Variants in IGSF9B observed in about 807,000 individuals in gnomAD.
IGSF9B encodes protein turtle homolog B.
IGSF9B carries 48 observed loss-of-function variants against 143.7 expected under a neutral mutation model. The ratio of observed to expected loss-of-function variants is 0.33; its 90% CI spans 0.26 to 0.42. The LOEUF is 0.42. Among genes scored for constraint, IGSF9B ranks in the 20% least tolerant of loss-of-function variants. The pLI is 1.00. For missense variants in IGSF9B, 1,706 were observed against 1,980.0 expected (o/e 0.86, Z 2.63); for synonymous variants, 903 against 833.1 (o/e 1.08, Z -1.44).
At chr11:133,912,672 C>T (rs1405976615) in intron 18 of IGSF9B, among the ~76,000 whole-genome samples, 3 of 152,208 alleles carry the variant, frequency 2.0e-5, no homozygotes, top group African/African-American at 4.8e-5. Flanking sequence ...TGTAAGAGAA[C>T]AGGAGAAAGT....
rs201133164 is a variant in IGSF9B, at chr11:133,902,586, A to C, written c.*6483T>G. Among the ~76,000 whole-genome samples, 60 of 111,200 alleles carry C rather than the reference A, an allele frequency of 5.4e-4. No homozygotes were observed. Among genetic ancestry groups the C allele is most frequent in the Middle Eastern group, 5.0e-3 (1 of 200 alleles). The allele number at this position is 111,200 out of a possible 152,430, so 73.0% of individuals were successfully genotyped here. On this transcript the variant is annotated 3_prime_UTR_variant, in exon 20 of 20. Transcript: ENST00000533871. Reference sequence around the variant, plus strand: ...ACACACCCCACACACACACACACACACCCCACTTACTTCCTGAATCCAGAA... The same window carrying C: ...ACACACCCCACACACACACACACACCCCCCACTTACTTCCTGAATCCAGAA...
intron 1 of IGSF9B, among the ~76,000 whole-genome samples, chr11:133,947,193 A>G (rs1940070022): frequency 6.6e-6 from 1 of 152,080 alleles, no homozygotes; most frequent in Non-Finnish European, 1.5e-5. Flanking sequence ...AGGAAGAGCC[A>G]CGCACCCCAA....
At position 133,928,182 on chromosome 11, in the gene IGSF9B, A is replaced by C. The variant is rs1019385151; in HGVS notation, c.1632-1091T>G. Among the ~76,000 whole-genome samples the C allele has an allele frequency of 6.6e-6, 1 of 152,112 alleles. No individual in the cohort carries two copies. The highest frequency in any genetic ancestry group is 2.4e-5 in the African/African-American group (1 of 41,446). On this transcript the variant is annotated intron_variant, in intron 12 of 19. Transcript: ENST00000533871. This position sits in a 1 kb window ranked among gnomAD's most constrained non-coding sequence, Gnocchi z 4.7. ...GTATGCCCAGACCTCCCACCCAGGC[A>C]TCTCCAAAGACAGCTTGACCACACC... is the stretch of plus-strand genomic sequence containing the variant.
chr11:133,943,473 T>C (rs1939990052), intron 3 of IGSF9B, among the ~76,000 whole-genome samples: 1 of 152,076 alleles, frequency 6.6e-6, no homozygotes, highest in South Asian at 2.1e-4. Flanking sequence ...CAGCCTCTAG[T>C]GCTGTCACCG....
At chr11:133,929,497 C>T (rs560597545) in intron 12 of IGSF9B, among the ~76,000 whole-genome samples, 174 bp downstream of exon 12, 38 of 152,280 alleles carry the variant, frequency 2.5e-4, no homozygotes, top group East Asian at 3.9e-4. Context: ...AGACCCCTCC[C>T]GTCACCCACA....
In IGSF9B at chr11:133,922,721, G is replaced by C; in HGVS notation, c.2129C>G (p.Pro710Arg). The change falls in exon 16 of 20, where the codon CCG (proline) becomes CGG (arginine). Residue 710 changes from proline to arginine, a missense_variant. By Grantham distance (103) the Pro-to-Arg change is moderately radical. Around this residue, in one of 7 missense-constraint regions of IGSF9B, gnomAD observed 267 missense variants for 321.1 expected, o/e 0.83. Transcript: ENST00000533871. ...IAGVSSTDIF[P>R]QPDLTEDGLA... The stretch of plus-strand genomic sequence containing the variant: ...CCCATCCTCGGTCAGGTCCGGCTGC[G>C]GGAAGATGTCTGCAGGGAGGGTGGG... 1 of 1,567,318 alleles carries C rather than the reference G, an allele frequency of 6.4e-7. No homozygotes were observed. The highest frequency in any genetic ancestry group is 8.6e-7 in the Non-Finnish European group (1 of 1,158,754).
At chr11:133,940,954 CG>C (rs989065390) in intron 3 of IGSF9B, among the ~76,000 whole-genome samples, 31 of 152,326 alleles carry the variant, frequency 2.0e-4, no homozygotes, top group African/African-American at 6.3e-4. Flanking sequence ...CCTGCCTGCC[CG>C]GCCTGCCCCT....
rs1344936512 is a variant in IGSF9B, at chr11:133,903,447, A to G, written c.*5622T>C. 3.9e-5 allele frequency among the ~76,000 whole-genome samples: 6 copies of G among 152,200 alleles called. No homozygotes were observed. Among genetic ancestry groups the G allele is most frequent in the African/African-American group, 1.2e-4 (5 of 41,444 alleles). On this transcript the variant is annotated 3_prime_UTR_variant, in exon 20 of 20. Coordinates refer to ENST00000533871, the MANE Select transcript of IGSF9B (RefSeq NM_001277285.4). ...CCTAACTACTACTACTGTCTTCTAC[A>G]CCGCAGAAGACAACACCCATGTGAT...
chr11:133,923,575 G>A (rs1353296960), intron 15 of IGSF9B, among the ~76,000 whole-genome samples: 1 of 152,232 alleles, frequency 6.6e-6, no homozygotes, highest in Non-Finnish European at 1.5e-5. Flanking sequence ...CTTAGGTTCA[G>A]CAAAGGCAGA....
chr11:133,946,124 C>T lies in IGSF9B; in HGVS notation c.199G>A (p.Val67Ile), dbSNP rs779418793. The T allele has an allele frequency of 1.9e-6, 3 of 1,610,808 alleles. No homozygotes were observed. The highest frequency in any genetic ancestry group is 2.5e-6 in the Non-Finnish European group (3 of 1,178,610). ...PYVVEWFKFG[V>I]PIPIFIKFGY... ...AACTTGATGAAGATAGGGATGGGGA[C>T]CCCGAACTTGAACCACTCTACGACA... The change falls in exon 2 of 20, where the codon GTC becomes ATC. Residue 67 changes from valine to isoleucine, a missense_variant. Around this residue, in one of 7 missense-constraint regions of IGSF9B, gnomAD observed 171 missense variants for 213.9 expected, o/e 0.80. Transcript: ENST00000533871.
At chr11:133,919,117 A>AC (rs1939455587) in intron 18 of IGSF9B, 1 of 14,104 alleles carries the variant, frequency 7.1e-5, no homozygotes, top group Non-Finnish European at 1.3e-4. Flanking sequence ...TGCGAGGTAT[A>AC]CGGGGGGGGG....
intron 18 of IGSF9B, among the ~76,000 whole-genome samples, chr11:133,918,342 C>CG (rs1159614468): frequency 2.0e-5 from 3 of 152,018 alleles, no homozygotes; most frequent in Non-Finnish European, 2.9e-5. Context: ...CAACACCGGC[C>CG]GGGGGGCACC....
chr11:133,922,737 G>A lies in IGSF9B; in HGVS notation c.2120-7C>T, dbSNP rs1243564324. ...TCCGGCTGCGGGAAGATGTCTGCAGGGAGGGTGGGGAGCACTCATGAGCCC... is the reference window on the plus strand; with the variant it reads ...TCCGGCTGCGGGAAGATGTCTGCAGAGAGGGTGGGGAGCACTCATGAGCCC... On this transcript the variant is annotated splice_region_variant and splice_polypyrimidine_tract_variant and intron_variant, in intron 15 of 19. Transcript: ENST00000533871. 5 of 1,553,612 alleles carry A rather than the reference G, an allele frequency of 3.2e-6. No homozygotes were observed. The highest frequency in any genetic ancestry group is 1.2e-5 in the South Asian group (1 of 84,470).
intron 3 of IGSF9B, among the ~76,000 whole-genome samples, chr11:133,943,213 C>G (rs985733660): frequency 1.3e-5 from 2 of 152,230 alleles, no homozygotes; most frequent in Non-Finnish European, 2.9e-5. Flanking sequence ...GCCTCAATAA[C>G]TAGCACAGTA....
Position 133,931,789 on chromosome 11 carries a change from C to G in IGSF9B, c.1117G>C (p.Gly373Arg). Reference sequence around the variant, plus strand: ...GAGCCATCCTCCATCAGGGTCCAACCGAGGTTCTGCCAGACACAGACGATA... The same window carrying G: ...GAGCCATCCTCCATCAGGGTCCAACGGAGGTTCTGCCAGACACAGACGATA... ...GRPLQVEKNLGWTLMEDGSIR... is the reference protein window; with the variant it reads ...GRPLQVEKNLRWTLMEDGSIR... The change falls in exon 9 of 20, where the codon GGT becomes CGT. Residue 373 changes from glycine to arginine, a missense_variant. Transcript: ENST00000533871. The surrounding 1 kb of genome is among the most constrained non-coding windows in gnomAD (Gnocchi z 7.7). 1.2e-6 allele frequency: 2 copies of G among 1,611,894 alleles called. No homozygotes were observed. The highest frequency in any genetic ancestry group is 1.7e-6 in the Non-Finnish European group (2 of 1,179,384).
In IGSF9B at chr11:133,920,406, A is replaced by G; in HGVS notation, c.3319T>C (p.Ser1107Pro). Residue 1107 changes from serine (S) to proline (P), a missense_variant, in exon 18 of 20, where the codon TCG becomes CCG. By Grantham distance (74) the Ser-to-Pro change is moderately conservative. This residue lies in a region of IGSF9B where 880 missense variants were observed against 762.9 expected (regional missense o/e 1.15). Coordinates refer to ENST00000533871, the MANE Select transcript of IGSF9B (RefSeq NM_001277285.4). Reference sequence around the variant, plus strand: ...GCTGGGACAGGGCCCCTGCCGGGCGACTTGCCTGCCCAACCCTTCGGTGCC... The same window carrying G: ...GCTGGGACAGGGCCCCTGCCGGGCGGCTTGCCTGCCCAACCCTTCGGTGCC... ...LEAPKGWAGK[S>P]PGRGPVPAPP... 1 of 1,593,564 alleles carries G rather than the reference A, an allele frequency of 6.3e-7. No individual in the cohort carries two copies.
chr11:133,933,566 CG>C (rs1565437846), intron 7 of IGSF9B, among the ~76,000 whole-genome samples: 1 of 152,164 alleles, frequency 6.6e-6, no homozygotes, highest in Non-Finnish European at 1.5e-5. Flanking sequence ...GGCAATTTAG[CG>C]AGACTCCAAC....
rs1939175389 is a variant in IGSF9B at position 133,903,811 on chromosome 11, C to G, written c.*5258G>C. Among the ~76,000 whole-genome samples the G allele has an allele frequency of 6.6e-6, 1 of 152,176 alleles. No homozygotes were observed. Among genetic ancestry groups the G allele is most frequent in the Non-Finnish European group, 1.5e-5 (1 of 68,030 alleles). Reference sequence around the variant, plus strand: ...AAGGCTCTGAACCAGTGTGGATTCACTCGCAGTCAGAGGGAAGGGTGGTGA... The same window carrying G: ...AAGGCTCTGAACCAGTGTGGATTCAGTCGCAGTCAGAGGGAAGGGTGGTGA... On this transcript the variant is annotated 3_prime_UTR_variant, in exon 20 of 20. Coordinates refer to ENST00000533871, the MANE Select transcript of IGSF9B (RefSeq NM_001277285.4).
chr11:133,937,331 C>T lies in IGSF9B; in HGVS notation c.679+45G>A, dbSNP rs115080664. 1,967 of 1,430,022 alleles carry T rather than the reference C, an allele frequency of 1.4e-3. 21 individuals carry two copies. In the African/African-American group the frequency reaches 0.024, roughly 18 times the overall value. The allele number at this position is 1,430,022 out of a possible 1,614,324, so 88.6% of individuals were successfully genotyped here. A position where few individuals can be genotyped will look rare whatever the true frequency, so the allele number is the denominator to read the frequency against. On this transcript the variant is annotated intron_variant, in intron 5 of 19. Transcript: ENST00000533871. ...CCGTAGCTCAGCCGGGCTGGACATC[C>T]CCGCGGGAGCCCAGGGTTAAAGAGG...
Sources: gnomAD v4.1 joint callset for allele counts (sites outside exome capture counted in the v4.1 genomes callset) on GRCh38, gnomAD v4.1.1 for gene constraint, gnomAD v4.1.1 regional missense constraint, Gnocchi (gnomAD v3.1) non-coding constraint, MANE v1.5 for transcripts, NCBI Gene and HGNC (gene_info 2026-07-23, HGNC 2026-07-21) for gene names.